Variants in RAD18 observed in about 807,000 individuals in gnomAD.
RAD18 encodes the protein E3 ubiquitin-protein ligase RAD18.
In RAD18, 47 loss-of-function variants were observed where a neutral mutation model predicts 60.4. The ratio of observed to expected loss-of-function variants is 0.78; its 90% CI spans 0.62 to 0.99. The LOEUF (loss-of-function observed/expected upper bound fraction) is 0.99. Among genes scored for constraint, RAD18 ranks in the 50% least tolerant of loss-of-function variants. The probability of loss-of-function intolerance (pLI) is 0.00; values close to 1 mark genes in which losing one functional copy is unlikely to be tolerated. For synonymous variants in RAD18, 225 were observed against 195.5 expected, an observed-to-expected ratio of 1.15 and a Z score of -1.26; for missense variants, 640 against 593.3, an observed-to-expected ratio of 1.08 and a Z score of -0.82.
chr3:8,923,075 A>G (rs1940357645), intron 7 of RAD18, among the ~76,000 whole-genome samples: 1 of 152,220 alleles, frequency 6.6e-6, no homozygotes, highest in African/African-American at 2.4e-5. Context: ...AATGACTTCG[A>G]CGAGTTGAGA....
intron 9 of RAD18, among the ~76,000 whole-genome samples, chr3:8,908,294 G>A (rs1278354699): frequency 2.8e-5 from 4 of 145,436 alleles, no homozygotes; most frequent in African/African-American, 1.1e-4. Flanking sequence ...TCTTTTCTAA[G>A]TGAGAGAGTT....
chr3:8,889,265 C>T (rs1254169534), intron 12 of RAD18, among the ~76,000 whole-genome samples: 1 of 152,190 alleles, frequency 6.6e-6, no homozygotes, highest in East Asian at 1.9e-4. Flanking sequence ...ATCTCATCTC[C>T]ATCACTTATT....
chr3:8,923,343 G>T (rs979706199), intron 7 of RAD18, among the ~76,000 whole-genome samples: 17 of 152,182 alleles, frequency 1.1e-4, no homozygotes, highest in Non-Finnish European at 1.8e-4. Flanking sequence ...ATGAAATGAA[G>T]CAAGAAGAGA....
chr3:8,913,036 GA>G (rs34152590), intron 8 of RAD18, among the ~76,000 whole-genome samples: 105,292 of 150,188 alleles, frequency 0.7, 37,158 homozygotes, highest in Middle Eastern at 0.76. Context: ...AAATGGCCTA[GA>G]AAAAAAAAAA....
chr3:8,955,544 T>G (rs1940994626), intron 2 of RAD18, among the ~76,000 whole-genome samples: 1 of 152,168 alleles, frequency 6.6e-6, no homozygotes, highest in Non-Finnish European at 1.5e-5. Context: ...TTTGAACTTT[T>G]CAAAGGACTG....
intron 3 of RAD18, 114 bp from the exon 4 acceptor site, chr3:8,947,404 C>A: frequency 2.6e-6 from 2 of 775,514 alleles, no homozygotes; most frequent in East Asian, 2.5e-5. Context: ...CCCACTAAGT[C>A]TTCTAAGGCA....
At chr3:8,956,387 A>G (rs1024736360) in intron 2 of RAD18, among the ~76,000 whole-genome samples, 4 of 152,240 alleles carry the variant, frequency 2.6e-5, no homozygotes, top group African/African-American at 4.8e-5. Context: ...TAGCATATGT[A>G]ACATCAACAC....
chr3:8,890,749 C>T (rs1014905576), intron 11 of RAD18, among the ~76,000 whole-genome samples: 5 of 152,154 alleles, frequency 3.3e-5, no homozygotes, highest in African/African-American at 1.2e-4. Context: ...CCTACTTCAA[C>T]AGAAGTTGTT....
intron 2 of RAD18, 139 bp downstream of exon 2, chr3:8,958,781 A>C: frequency 1.5e-6 from 1 of 645,750 alleles, no homozygotes; most frequent in Non-Finnish European, 2.7e-6. Flanking sequence ...GAAGGCAGTG[A>C]AAAAGACCTT....
chr3:8,900,363 A>T (rs1275855906), intron 10 of RAD18, among the ~76,000 whole-genome samples: 3 of 152,208 alleles, frequency 2.0e-5, no homozygotes, highest in African/African-American at 7.2e-5. Flanking sequence ...TCAACTAGTG[A>T]GGTGCATGCA....
At chr3:8,927,148 G>T (rs1423895338) in intron 7 of RAD18, among the ~76,000 whole-genome samples, 1 of 152,154 alleles carries the variant, frequency 6.6e-6, no homozygotes, top group Non-Finnish European at 1.5e-5. Context: ...GAAAATTTTT[G>T]CAATCTACTC....
chr3:8,895,176 G>A (rs750506481), intron 11 of RAD18, among the ~76,000 whole-genome samples: 33 of 151,356 alleles, frequency 2.2e-4, no homozygotes, highest in South Asian at 8.3e-4. Flanking sequence ...AGCTTTCAGG[G>A]TATTCTAAAG....
rs1939928682 is a variant in RAD18, at chr3:8,902,430, G to A, written c.1118C>T (p.Thr373Ile). The change falls in exon 10 of 13, where the codon ACA (threonine) becomes ATA (isoleucine). Residue 373 changes from threonine (T) to isoleucine (I), a missense_variant. Physicochemically the swap from Thr to Ile is moderately conservative, Grantham distance 89. Coordinates refer to ENST00000264926, the MANE Select transcript of RAD18 (RefSeq NM_020165.4). ...KIAGMSQKTVTITKEDESTEK... is the reference protein window; with the variant it reads ...KIAGMSQKTVIITKEDESTEK... ...TGTAGATTCATCTTCTTTTGTTATTGTTACTGTTTTTTGTGACATTCCAGC... is the reference window on the plus strand; with the variant it reads ...TGTAGATTCATCTTCTTTTGTTATTATTACTGTTTTTTGTGACATTCCAGC... 5 of 1,609,732 alleles carry A rather than the reference G, an allele frequency of 3.1e-6. No homozygotes were observed. The highest frequency in any genetic ancestry group is 4.2e-6 in the Non-Finnish European group (5 of 1,177,336).
chr3:8,902,365 A>G lies in RAD18; in HGVS notation c.1168+15T>C. 1 of 1,513,572 alleles carries G rather than the reference A, an allele frequency of 6.6e-7. No homozygotes were observed. The highest frequency in any genetic ancestry group is 2.5e-5 in the East Asian group (1 of 40,630). 93.8% of individuals were successfully genotyped at this position (1,513,572 alleles called of 1,614,324 possible). On this transcript the variant is annotated intron_variant, in intron 10 of 12. Transcript: ENST00000264926. ...GAAATTCGACATATGTCTGTTTTTA[A>G]TTATAGTCTCTTACCCATGCATACA... is the stretch of plus-strand genomic sequence containing the variant.
intron 2 of RAD18, among the ~76,000 whole-genome samples, chr3:8,954,445 C>T (rs188774913): frequency 4.5e-4 from 68 of 152,256 alleles, no homozygotes; most frequent in African/African-American, 1.6e-3. Flanking sequence ...AAAATTATAG[C>T]AAGTGCAAAG....
intron 2 of RAD18, 105 bp from the exon 3 acceptor site, chr3:8,948,675 G>T: frequency 1.1e-6 from 1 of 909,474 alleles, no homozygotes. Context: ...CGTCATCTAA[G>T]GTATATCATC....
Position 8,899,047 on chromosome 3 carries a change from C to A in RAD18, c.1169G>T (p.Gly390Val). 1 of 1,568,304 alleles carries A rather than the reference C, an allele frequency of 6.4e-7. No homozygotes were observed. The stretch of plus-strand genomic sequence containing the variant: ...TACTGAGGTCATATTATCTTCCTGT[C>A]CTAGGAAAAAATAAATTTAAGAGTA... ...STEKLSSVCM[G>V]QEDNMTSVTN... Residue 390 changes from glycine to valine, a missense_variant and splice_region_variant, in exon 11 of 13, where the codon GGA becomes GTA. Gly to Val is a moderately radical substitution (Grantham distance 109). Coordinates refer to ENST00000264926, the MANE Select transcript of RAD18 (RefSeq NM_020165.4).
chr3:8,918,440 TTCTTCTTCCAAACAAGATGGA>T (rs1475603055), intron 7 of RAD18, among the ~76,000 whole-genome samples: 2 of 152,182 alleles, frequency 1.3e-5, no homozygotes, highest in African/African-American at 4.8e-5. Flanking sequence ...TAAAAAGTAT[TTCTTCTTCCAAACAAGATGGA>T]TTAGACTCAT....
intron 2 of RAD18, among the ~76,000 whole-genome samples, chr3:8,951,501 A>T (rs1940924006): frequency 6.6e-6 from 1 of 152,254 alleles, no homozygotes; most frequent in South Asian, 2.1e-4. Flanking sequence ...AATTCTTCAG[A>T]GAGGAGGAAA....
Sources: gnomAD v4.1 joint callset for allele counts (sites outside exome capture counted in the v4.1 genomes callset) on GRCh38, gnomAD v4.1.1 for gene constraint, MANE v1.5 for transcripts, NCBI Gene and HGNC (gene_info 2026-07-23, HGNC 2026-07-21) for gene names.